Variants in LHFPL3 observed in about 807,000 individuals in gnomAD.
The protein encoded by LHFPL3 is LHFPL tetraspan subfamily member 3.
A neutral mutation model predicts 19.3 loss-of-function variants in LHFPL3; 5 were observed. The observed-to-expected ratio is 0.26, with a 90% CI of 0.14 to 0.54. LHFPL3 has a LOEUF of 0.54. LHFPL3 is among the 20% of genes least tolerant of loss of function. The pLI, the probability that LHFPL3 is intolerant of heterozygous loss-of-function variation, is 0.94. For missense variants in LHFPL3, 249 were observed against 307.4 expected, an observed-to-expected ratio of 0.81 and a Z score of 1.42; for synonymous variants, 133 against 126.2, an observed-to-expected ratio of 1.05 and a Z score of -0.36.
intron 1 of LHFPL3, among the ~76,000 whole-genome samples, chr7:104,526,046 C>T (rs1010007898): frequency 1.3e-5 from 2 of 152,142 alleles, no homozygotes; most frequent in African/African-American, 4.8e-5. Flanking sequence ...AGAAAGAAAG[C>T]TTCTTTCTCC....
At position 104,645,906 on chromosome 7, in the gene LHFPL3, C is replaced by T. The variant is rs532522136; in HGVS notation, c.446-90769C>T. ...CGATCTTCTGACCTCATGATCTGCC[C>T]GCCTCGGCCTCCCAAAGTGCTGGAT... On this transcript the variant is annotated intron_variant, in intron 1 of 2. Transcript: ENST00000424859. 5.3e-5 allele frequency among the ~76,000 whole-genome samples: 8 copies of T among 152,054 alleles called. No individual in the cohort carries two copies. In the East Asian group the frequency reaches 7.7e-4, roughly 15 times the overall value.
chr7:104,594,704 A>G (rs540802204), intron 1 of LHFPL3, among the ~76,000 whole-genome samples: 1 of 152,290 alleles, frequency 6.6e-6, no homozygotes, highest in South Asian at 2.1e-4. Context: ...CTTTTCACAT[A>G]GTCCAATATT....
chr7:104,341,795 T>C (rs1228620118), intron 1 of LHFPL3, among the ~76,000 whole-genome samples: 2 of 152,126 alleles, frequency 1.3e-5, no homozygotes, highest in Non-Finnish European at 2.9e-5. Context: ...GAACTTTGCC[T>C]TTTACAGGGT....
chr7:104,868,957 C>G (rs921924323), intron 2 of LHFPL3, among the ~76,000 whole-genome samples: 1 of 152,062 alleles, frequency 6.6e-6, no homozygotes, highest in Non-Finnish European at 1.5e-5. Context: ...ACAAACCTGA[C>G]AAAAACAAGA....
chr7:104,851,924 G>A (rs1791421348), intron 2 of LHFPL3, among the ~76,000 whole-genome samples: 1 of 152,016 alleles, frequency 6.6e-6, no homozygotes. Flanking sequence ...CAGAGCAGGA[G>A]AAAAGCTGGG....
At chr7:104,644,549 T>C (rs1308818858) in intron 1 of LHFPL3, among the ~76,000 whole-genome samples, 3 of 152,122 alleles carry the variant, frequency 2.0e-5, no homozygotes, top group Non-Finnish European at 4.4e-5. Context: ...GTTAGGAGCA[T>C]TTTCTTCATA....
chr7:104,646,126 C>T (rs1007117011), intron 1 of LHFPL3, among the ~76,000 whole-genome samples: 1 of 152,164 alleles, frequency 6.6e-6, no homozygotes, highest in Non-Finnish European at 1.5e-5. Context: ...AGGCACTTAA[C>T]CTCTGTGAGC....
Position 104,839,125 on chromosome 7 carries a change from G to A in LHFPL3, c.683-67062G>A, listed in dbSNP as rs543025468. 2.1e-4 allele frequency among the ~76,000 whole-genome samples: 32 copies of A among 152,286 alleles called. 1 individual carries two copies. In the South Asian group the frequency reaches 2.9e-3, roughly 14 times the overall value. ...CTGTGAGACACAGAACAGTGAGACCGTCAAGGAGAGAGAAATTTCCCCTCA... is the reference window on the plus strand; with the variant it reads ...CTGTGAGACACAGAACAGTGAGACCATCAAGGAGAGAGAAATTTCCCCTCA... On this transcript the variant is annotated intron_variant, in intron 2 of 2. Transcript: ENST00000424859.
At chr7:104,375,326 G>A (rs1239992815) in intron 1 of LHFPL3, among the ~76,000 whole-genome samples, 1 of 151,366 alleles carries the variant, frequency 6.6e-6, no homozygotes, top group African/African-American at 2.4e-5. Context: ...TGACAGAATG[G>A]GATTCCATCT....
At chr7:104,539,780 C>A (rs1562929215) in intron 1 of LHFPL3, among the ~76,000 whole-genome samples, 2 of 152,180 alleles carry the variant, frequency 1.3e-5, no homozygotes, top group African/African-American at 4.8e-5. Flanking sequence ...ATGCTCTTTT[C>A]CACTTTTTTA....
intron 1 of LHFPL3, among the ~76,000 whole-genome samples, chr7:104,693,976 A>G (rs1198724592): frequency 6.6e-6 from 1 of 152,178 alleles, no homozygotes; most frequent in Non-Finnish European, 1.5e-5. Flanking sequence ...GTATTTCTTC[A>G]TAGCAGCATG....
intron 2 of LHFPL3, among the ~76,000 whole-genome samples, chr7:104,814,037 C>A (rs1437840997): frequency 6.6e-6 from 1 of 152,168 alleles, no homozygotes; most frequent in Non-Finnish European, 1.5e-5. Flanking sequence ...GGTATGCAGA[C>A]AAGTGGAGGG....
intron 1 of LHFPL3, among the ~76,000 whole-genome samples, chr7:104,548,265 G>C (rs1794606868): frequency 6.6e-6 from 1 of 152,058 alleles, no homozygotes; most frequent in South Asian, 2.1e-4. Context: ...TTGCATGTGT[G>C]TACACAAGCA....
chr7:104,614,730 T>C (rs570317450), intron 1 of LHFPL3, among the ~76,000 whole-genome samples: 13 of 144,256 alleles, frequency 9.0e-5, no homozygotes, highest in African/African-American at 3.1e-4. Flanking sequence ...TTTCTTTCTT[T>C]CTTTCTTTCT....
chr7:104,791,011 T>G (rs1343337273), intron 2 of LHFPL3, among the ~76,000 whole-genome samples: 1 of 152,234 alleles, frequency 6.6e-6, no homozygotes, highest in Admixed American at 6.5e-5. Flanking sequence ...CTGGGAGATC[T>G]TCCACAAACT....
chr7:104,732,826 A>G (rs1004956779), intron 1 of LHFPL3, among the ~76,000 whole-genome samples: 1 of 152,124 alleles, frequency 6.6e-6, no homozygotes, highest in African/African-American at 2.4e-5. Flanking sequence ...TAGGATGTCA[A>G]TTTTAGATCT....
intron 1 of LHFPL3, among the ~76,000 whole-genome samples, chr7:104,701,657 G>A (rs995995296): frequency 6.6e-5 from 10 of 152,036 alleles, no homozygotes; most frequent in Admixed American, 5.2e-4. Context: ...ATGTATAAGC[G>A]GACCTGCAGA....
chr7:104,538,702 T>C (rs1490460794), intron 1 of LHFPL3, among the ~76,000 whole-genome samples: 1 of 152,230 alleles, frequency 6.6e-6, no homozygotes, highest in East Asian at 1.9e-4. Flanking sequence ...TGTAGATTGA[T>C]AAAGAATAGC....
intron 1 of LHFPL3, among the ~76,000 whole-genome samples, chr7:104,695,504 G>A (rs1792981598): frequency 6.6e-6 from 1 of 152,196 alleles, no homozygotes; most frequent in African/African-American, 2.4e-5. Flanking sequence ...TAGCTGGTGA[G>A]AAATGCTGAT....
Sources: gnomAD v4.1 joint callset for allele counts (sites outside exome capture counted in the v4.1 genomes callset) on GRCh38, gnomAD v4.1.1 for gene constraint, MANE v1.5 for transcripts, NCBI Gene and HGNC (gene_info 2026-07-23, HGNC 2026-07-21) for gene names.